Variants in MOXD1 observed in about 807,000 individuals in gnomAD.
MOXD1 encodes monooxygenase DBH like 1, also known as DBH-like monooxygenase protein 1.
In MOXD1, 62 loss-of-function variants were observed where a neutral mutation model predicts 66.6. The ratio of observed to expected loss-of-function variants is 0.93; its 90% CI spans 0.76 to 1.15. MOXD1 has a LOEUF of 1.15. Ranked by LOEUF, MOXD1 falls within the 50% of genes most tolerant of loss-of-function variation. MOXD1 has a pLI of 0.00. For synonymous variants in MOXD1, 303 were observed against 281.9 expected, an observed-to-expected ratio of 1.07 and a Z score of -0.75; for missense variants, 847 against 754.6, an observed-to-expected ratio of 1.12 and a Z score of -1.44.
chr6:132,394,705 A>G (rs1175285023), intron 1 of MOXD1, among the ~76,000 whole-genome samples: 1 of 152,154 alleles, frequency 6.6e-6, no homozygotes, highest in Non-Finnish European at 1.5e-5. Flanking sequence ...TCAACAACAG[A>G]CTAGATGAAG....
intron 4 of MOXD1, among the ~76,000 whole-genome samples, chr6:132,347,679 A>AG (rs1775694620): frequency 6.6e-6 from 1 of 151,634 alleles, no homozygotes; most frequent in Admixed American, 6.6e-5. Context: ...CCTGTCTCAA[A>AG]AAAAAAAAAT....
chr6:132,353,924 G>A (rs1457124039), intron 4 of MOXD1, among the ~76,000 whole-genome samples: 6 of 151,894 alleles, frequency 4.0e-5, no homozygotes, highest in East Asian at 1.9e-4. Context: ...TTTGAGCTCC[G>A]AATTTCTTTC....
At chr6:132,315,861 T>G in intron 9 of MOXD1, 84 bp from the exon 10 acceptor site, 1 of 1,348,058 alleles carries the variant, frequency 7.4e-7, no homozygotes. Context: ...TGTCATACAG[T>G]TCCTTCCAAT....
At chr6:132,359,612 G>A (rs181930129) in intron 4 of MOXD1, among the ~76,000 whole-genome samples, 281 of 150,020 alleles carry the variant, frequency 1.9e-3, no homozygotes, top group African/African-American at 6.7e-3. Flanking sequence ...TCAGCCTCCC[G>A]AGTAGCTGGG....
intron 1 of MOXD1, among the ~76,000 whole-genome samples, chr6:132,377,892 C>T (rs947552829): frequency 3.9e-5 from 6 of 152,084 alleles, no homozygotes; most frequent in Non-Finnish European, 7.4e-5. Context: ...ATTTAGGAGG[C>T]CAAGGGGGGT....
chr6:132,366,604 G>C (rs1776146995), intron 4 of MOXD1, among the ~76,000 whole-genome samples: 1 of 152,108 alleles, frequency 6.6e-6, no homozygotes, highest in Admixed American at 6.6e-5. Flanking sequence ...ATAAAAGCAT[G>C]TAGTTTGACA....
chr6:132,364,525 G>T (rs890732440), intron 4 of MOXD1, among the ~76,000 whole-genome samples: 1 of 152,078 alleles, frequency 6.6e-6, no homozygotes, highest in South Asian at 2.1e-4. Flanking sequence ...TCTTCCCAAG[G>T]TTATCCAGTG....
chr6:132,358,012 C>T (rs1263064542), intron 4 of MOXD1, among the ~76,000 whole-genome samples: 1 of 152,102 alleles, frequency 6.6e-6, no homozygotes, highest in Non-Finnish European at 1.5e-5. Context: ...TCTATTGTGC[C>T]TCAGGTGTTC....
At chr6:132,362,773 A>G (rs1453326943) in intron 4 of MOXD1, among the ~76,000 whole-genome samples, 1 of 152,196 alleles carries the variant, frequency 6.6e-6, no homozygotes, top group Non-Finnish European at 1.5e-5. Context: ...GACGTGTCCA[A>G]TAAGATTAGC....
chr6:132,298,077 G>T (rs888303360), intron 10 of MOXD1, 122 bp from the exon 11 acceptor site: 16 of 706,236 alleles, frequency 2.3e-5, no homozygotes, highest in Admixed American at 1.1e-4. Flanking sequence ...ATAACCTAAT[G>T]CAAAATGTTG....
chr6:132,369,841 G>T (rs1336457734), intron 4 of MOXD1, among the ~76,000 whole-genome samples: 2 of 152,004 alleles, frequency 1.3e-5, no homozygotes, highest in African/African-American at 4.8e-5. Flanking sequence ...TTTATTTCTG[G>T]AATCTTCCAT....
chr6:132,380,500 G>A (rs1776485802), intron 1 of MOXD1, among the ~76,000 whole-genome samples: 1 of 152,000 alleles, frequency 6.6e-6, no homozygotes, highest in African/African-American at 2.4e-5. Context: ...TCCTGCTAAG[G>A]CTCATGATTC....
chr6:132,389,978 C>A (rs1776725429), intron 1 of MOXD1, among the ~76,000 whole-genome samples: 1 of 151,428 alleles, frequency 6.6e-6, no homozygotes, highest in Admixed American at 6.6e-5. Context: ...GTTGATCTGT[C>A]TTCTCAAAGG....
rs1212379620 is a variant in MOXD1 at position 132,303,865 on chromosome 6, A to G, written c.1509-5910T>C. On this transcript the variant is annotated intron_variant, in intron 10 of 11. Coordinates refer to ENST00000367963, the MANE Select transcript of MOXD1 (RefSeq NM_015529.4). ...TATATATATATATATATATATATAT[A>G]TATATATATATATACATATATACAT... is the stretch of plus-strand genomic sequence containing the variant. Among the ~76,000 whole-genome samples the G allele has an allele frequency of 1.9e-4, 11 of 58,316 alleles. 1 individual carries two copies. The East Asian group carries it at 2.7e-3, about 14-fold the overall frequency. 38.3% of individuals were successfully genotyped at this position (58,316 alleles called of 152,430 possible). A position where few individuals can be genotyped will look rare whatever the true frequency, so the allele number is the denominator to read the frequency against.
At chr6:132,393,563 C>A (rs117307197) in intron 1 of MOXD1, among the ~76,000 whole-genome samples, 1 of 152,108 alleles carries the variant, frequency 6.6e-6, no homozygotes. Flanking sequence ...ATAGGAGAGC[C>A]CCTGGACTCT....
At position 132,386,319 on chromosome 6, in the gene MOXD1, G is replaced by A. The variant is rs528953912; in HGVS notation, c.265-11542C>T. 4.6e-3 allele frequency among the ~76,000 whole-genome samples: 681 copies of A among 148,470 alleles called. 29 individuals are homozygous for A. Among genetic ancestry groups the A allele is most frequent in the Middle Eastern group, 0.021 (6 of 286 alleles). ...TGGGAGGCTGAGGCAGGAGAATGGC[G>A]TGAACCCGGGAGGCGGAGCTTGCAG... is the stretch of plus-strand genomic sequence containing the variant. On this transcript the variant is annotated intron_variant, in intron 1 of 11. Coordinates refer to ENST00000367963, the MANE Select transcript of MOXD1 (RefSeq NM_015529.4).
intron 10 of MOXD1, among the ~76,000 whole-genome samples, chr6:132,310,480 C>T (rs1207062049): frequency 6.6e-6 from 1 of 152,136 alleles, no homozygotes; most frequent in Non-Finnish European, 1.5e-5. Flanking sequence ...TTTGACCCAG[C>T]AATATCCCAT....
At chr6:132,299,642 T>C (rs1774486367) in intron 10 of MOXD1, among the ~76,000 whole-genome samples, 1 of 152,116 alleles carries the variant, frequency 6.6e-6, no homozygotes, top group Non-Finnish European at 1.5e-5. Flanking sequence ...TCAGGTGTTG[T>C]CTTTCATTAA....
At chr6:132,360,907 A>G (rs1776005778) in intron 4 of MOXD1, among the ~76,000 whole-genome samples, 1 of 152,222 alleles carries the variant, frequency 6.6e-6, no homozygotes, top group Non-Finnish European at 1.5e-5. Context: ...TTTCTGAAAC[A>G]TACCATAAAC....
Sources: allele counts gnomAD v4.1 joint callset (sites outside exome capture counted in the v4.1 genomes callset), GRCh38; gene constraint gnomAD v4.1.1; transcripts MANE v1.5; gene names NCBI Gene and HGNC (gene_info 2026-07-23, HGNC 2026-07-21).